Variants in NFILZ observed in about 807,000 individuals in gnomAD.
NFILZ encodes NFIL3 like protein.
chr19:8,639,189 C>T (rs1233247631), intron 3 of NFILZ, among the ~76,000 whole-genome samples: 1 of 151,768 alleles, frequency 6.6e-6, no homozygotes, highest in African/African-American at 2.4e-5. Flanking sequence ...GTGGTTGGAG[C>T]AGAGTGATAG....
chr19:8,656,329 C>CA (rs1461476995), intron 3 of NFILZ, among the ~76,000 whole-genome samples: 6,850 of 46,722 alleles, frequency 0.15, 830 homozygotes, highest in East Asian at 0.24. Context: ...CCCTGAAGCC[C>CA]CCTTCTTCCT....
intron 3 of NFILZ, among the ~76,000 whole-genome samples, chr19:8,672,597 CA>C (rs1323272368): frequency 7.3e-6 from 1 of 137,490 alleles, no homozygotes; most frequent in Non-Finnish European, 1.5e-5. Context: ...TTTATTAATT[CA>C]AAAAAATCCA....
intron 4 of NFILZ, among the ~76,000 whole-genome samples, chr19:8,675,604 C>A (rs1735181808): frequency 6.6e-6 from 1 of 152,122 alleles, no homozygotes; most frequent in Admixed American, 6.6e-5. Context: ...CATGTTCCTA[C>A]AGAAAATTTA....
At chr19:8,656,251 C>T (rs1318428310) in intron 3 of NFILZ, among the ~76,000 whole-genome samples, 6 of 117,544 alleles carry the variant, frequency 5.1e-5, no homozygotes, top group Non-Finnish European at 8.9e-5. Context: ...GCCTTCTCCA[C>T]GCAGCCCATC....
intron 3 of NFILZ, among the ~76,000 whole-genome samples, chr19:8,649,828 C>A (rs1024890128): frequency 6.6e-6 from 1 of 151,790 alleles, no homozygotes; most frequent in Non-Finnish European, 1.5e-5. Flanking sequence ...AAAAAAAAAT[C>A]TTTTGGCCGG....
At chr19:8,632,193 G>A (rs1273214836) in intron 1 of NFILZ, among the ~76,000 whole-genome samples, 1 of 150,990 alleles carries the variant, frequency 6.6e-6, no homozygotes, top group African/African-American at 2.4e-5. Context: ...TTACTGGGAT[G>A]CTCTAGAGGA....
intron 3 of NFILZ, among the ~76,000 whole-genome samples, chr19:8,667,941 A>G (rs1470330197): frequency 6.6e-6 from 1 of 151,904 alleles, no homozygotes; most frequent in Non-Finnish European, 1.5e-5. Flanking sequence ...TGTATTTTTT[A>G]TTTTATTTTT....
Position 8,678,168 on chromosome 19 carries a change from T to C in NFILZ, c.*533T>C, listed in dbSNP as rs373795851. 1.2e-4 allele frequency among the ~76,000 whole-genome samples: 4 copies of C among 32,708 alleles called. No homozygotes were observed. The highest frequency in any genetic ancestry group is 0.018 in the Middle Eastern group (1 of 56). 21.5% of individuals were successfully genotyped at this position (32,708 alleles called of 152,430 possible). A position where few individuals can be genotyped will look rare whatever the true frequency, so the allele number is the denominator to read the frequency against. ...ACTTGTCCGTCCATCCATCCATCCA[T>C]CCATCCATCCATCCATCCATCCGTC... On this transcript the variant is annotated 3_prime_UTR_variant, in exon 6 of 6. Transcript: ENST00000691075.
At chr19:8,640,744 A>G (rs1424825845) in intron 3 of NFILZ, among the ~76,000 whole-genome samples, 1 of 152,208 alleles carries the variant, frequency 6.6e-6, no homozygotes, top group East Asian at 1.9e-4. Flanking sequence ...TTCTGTAATC[A>G]TTAACTGCTT....
intron 4 of NFILZ, among the ~76,000 whole-genome samples, chr19:8,675,120 G>A (rs1555750595): frequency 6.6e-6 from 1 of 152,100 alleles, no homozygotes; most frequent in African/African-American, 2.4e-5. Context: ...TAGGTACCAG[G>A]GATACAAGAG....
intron 3 of NFILZ, among the ~76,000 whole-genome samples, chr19:8,651,600 C>T (rs1030088202): frequency 6.6e-6 from 1 of 152,296 alleles, no homozygotes; most frequent in Admixed American, 6.5e-5. Context: ...GGGGAGATCA[C>T]AGCTCATTCC....
chr19:8,643,423 G>A (rs577855100), intron 3 of NFILZ, among the ~76,000 whole-genome samples: 1 of 152,342 alleles, frequency 6.6e-6, no homozygotes, highest in African/African-American at 2.4e-5. Context: ...TGGGCCATAA[G>A]ACACCCAGAT....
intron 3 of NFILZ, among the ~76,000 whole-genome samples, chr19:8,669,795 G>A (rs974788938): frequency 3.3e-5 from 5 of 152,156 alleles, no homozygotes; most frequent in African/African-American, 1.2e-4. Context: ...GATGATAGCC[G>A]TGCTTTACTT....
intron 3 of NFILZ, among the ~76,000 whole-genome samples, chr19:8,673,607 G>C (rs1941300201): frequency 6.6e-6 from 1 of 152,166 alleles, no homozygotes; most frequent in Non-Finnish European, 1.5e-5. Context: ...TTTCTCAGAG[G>C]GGGTCCCAGG....
chr19:8,655,931 G>A (rs1485934610), intron 3 of NFILZ, among the ~76,000 whole-genome samples: 2 of 151,858 alleles, frequency 1.3e-5, no homozygotes, highest in African/African-American at 4.8e-5. Flanking sequence ...CTCTGTCTCC[G>A]TTTGAGTCTC....
At chr19:8,647,583 C>A (rs868978708) in intron 3 of NFILZ, among the ~76,000 whole-genome samples, 3 of 148,468 alleles carry the variant, frequency 2.0e-5, no homozygotes, top group Admixed American at 1.4e-4. Flanking sequence ...CGCACCCCCC[C>A]CCCCAAAAAA....
chr19:8,663,526 C>T (rs2043042276), intron 3 of NFILZ, among the ~76,000 whole-genome samples: 1 of 144,294 alleles, frequency 6.9e-6, no homozygotes, highest in East Asian at 2.0e-4. Context: ...CTGCCATGAA[C>T]TGAGATGGGG....
At chr19:8,654,337 G>T (rs1469188232) in intron 3 of NFILZ, among the ~76,000 whole-genome samples, 7 of 147,026 alleles carry the variant, frequency 4.8e-5, no homozygotes, top group African/African-American at 1.7e-4. Flanking sequence ...AAAAATTATG[G>T]CTGGCAGTGG....
chr19:8,663,758 G>GTATGTGTGTA (rs1555749464), intron 3 of NFILZ, among the ~76,000 whole-genome samples: 3 of 148,436 alleles, frequency 2.0e-5, no homozygotes, highest in Admixed American at 6.8e-5. Flanking sequence ...GTGTGTGTGT[G>GTATGTGTGTA]TGTGTGTGTG....
Sources: allele counts gnomAD v4.1 joint callset (sites outside exome capture counted in the v4.1 genomes callset), GRCh38; gene constraint gnomAD v4.1.1; transcripts MANE v1.5; gene names NCBI Gene and HGNC (gene_info 2026-07-23, HGNC 2026-07-21).